The following YARS1 variants were observed in gnomAD, a reference collection of about 807,000 sequenced individuals.
YARS1 encodes the protein tyrosyl-tRNA synthetase 1.
In YARS1, 36 loss-of-function variants were observed where a neutral mutation model predicts 62.2. The observed-to-expected ratio is 0.58, with a 90% CI of 0.44 to 0.76. The LOEUF is 0.76. Ranked by LOEUF, YARS1 falls within the 30% of genes least tolerant of loss-of-function variation. The pLI, the probability that YARS1 is intolerant of heterozygous loss-of-function variation, is 0.00. For synonymous variants in YARS1, 234 were observed against 244.9 expected (o/e 0.96, Z 0.42); for missense variants, 524 against 639.8 (o/e 0.82, Z 1.95).
rs1653005915 is a variant in YARS1, at chr1:32,780,177, T to C, written c.1242A>G (p.Glu414=). Residue 414 remains glutamate (E), a synonymous_variant, in exon 11 of 13, where the codon GAA becomes GAG. Coordinates refer to ENST00000373477, the MANE Select transcript of YARS1 (RefSeq NM_003680.4). ...SGLVQFVPKE[E]LQDRLVVVLC... ...GCACCACTACCAGCCTGTCCTGCAG[T>C]TCCTCCTTGGGCACGAACTGTACCA... 1.9e-6 allele frequency: 3 copies of C among 1,614,076 alleles called. No homozygotes were observed. The highest frequency in any genetic ancestry group is 1.3e-5 in the African/African-American group (1 of 74,914).
intron 5 of YARS1, among the ~76,000 whole-genome samples, chr1:32,796,995 A>AATATATAT (rs869089598): frequency 1.9e-4 from 4 of 20,552 alleles, no homozygotes; most frequent in Non-Finnish European, 2.9e-4. Context: ...AAAAAAAAAA[A>AATATATAT]ATATATATAT....
Position 32,775,511 on chromosome 1 carries a change from G to A in YARS1, c.*470C>T. 1 of 173,968 alleles carries A rather than the reference G, an allele frequency of 5.7e-6. No homozygotes were observed. Among genetic ancestry groups the A allele is most frequent in the South Asian group, 1.4e-4 (1 of 7,352 alleles). The allele number at this position is 173,968 out of a possible 1,614,324, so 10.8% of individuals were successfully genotyped here. A position where few individuals can be genotyped will look rare whatever the true frequency, so the allele number is the denominator to read the frequency against. ...TTGCCAACCACTTGGTAGACCACTA[G>A]GTTCTCTGTTTTCCCTTCCCTTTCC... On this transcript the variant is annotated 3_prime_UTR_variant, in exon 13 of 13. Transcript: ENST00000373477.
At chr1:32,817,053 TCTACAGGCTCTCTCAGAG>T in intron 1 of YARS1, 117 bp downstream of exon 1, 2 of 1,135,834 alleles carry the variant, frequency 1.8e-6, no homozygotes, top group Non-Finnish European at 1.3e-6. Context: ...AGCAGTGAGA[TCTACAGGCTCTCTCAGAG>T]CTGCGCCAGC....
chr1:32,782,416 G>A lies in YARS1; in HGVS notation c.1030C>T (p.Pro344Ser). ...KKLASAAYPD[P>S]SKQKPMAKGP... ...CAGCTGGCCTTACTCTGCTTTGAGG[G>A]ATCTGGGTAGGCAGCGCTGGCCAGT... The change falls in exon 9 of 13, where the codon CCC becomes TCC. Residue 344 changes from proline to serine, a missense_variant. Physicochemically the swap from Pro to Ser is moderately conservative, Grantham distance 74. Coordinates refer to ENST00000373477, the MANE Select transcript of YARS1 (RefSeq NM_003680.4). 1 of 1,613,992 alleles carries A rather than the reference G, an allele frequency of 6.2e-7. No homozygotes were observed. Among genetic ancestry groups the A allele is most frequent in the Non-Finnish European group, 8.5e-7 (1 of 1,179,914 alleles).
chr1:32,788,915 C>T (rs1265959893), intron 6 of YARS1, among the ~76,000 whole-genome samples: 2 of 152,162 alleles, frequency 1.3e-5, no homozygotes, highest in African/African-American at 4.8e-5. Context: ...ACCTTTGCCT[C>T]CCAGGCTCAA....
rs1638571571 is a variant in YARS1, at chr1:32,810,969, T to C, written c.146A>G (p.His49Arg). The change falls in exon 2 of 13, where the codon CAT (histidine) becomes CGT (arginine). Residue 49 changes from histidine to arginine, a missense_variant. Physicochemically the swap from His to Arg is conservative, Grantham distance 29 (BLOSUM62 0). Transcript: ENST00000373477. ...YWGTATTGKP[H>R]VAYFVPMSKI... ...TGACATGGGCACAAAGTAAGCCACA[T>C]GTGGTTTGCCCGTGGTTGCCGTTCC... 6.2e-7 allele frequency: 1 copy of C among 1,614,074 alleles called. No individual in the cohort carries two copies.
At position 32,786,052 on chromosome 1, in the gene YARS1, T is replaced by C. The variant is rs139453740; in HGVS notation, c.906+310A>G. ...TCGTGTGTATAAGATTACAGACATT[T>C]ACTGATAAGAAATGTTTCCTGAGAA... is the stretch of plus-strand genomic sequence containing the variant. On this transcript the variant is annotated intron_variant, in intron 8 of 12. Transcript: ENST00000373477. Among the ~76,000 whole-genome samples, 29 of 152,252 alleles carry C rather than the reference T, an allele frequency of 1.9e-4. 1 individual carries two copies. The East Asian group carries it at 5.4e-3, about 28-fold the overall frequency.
chr1:32,799,341 AAGGAG>A (rs1274557494), intron 4 of YARS1, among the ~76,000 whole-genome samples: 2 of 152,166 alleles, frequency 1.3e-5, no homozygotes, highest in East Asian at 3.8e-4. Flanking sequence ...GAAAGGTTTT[AAGGAG>A]AGGAGAAATA....
At chr1:32,787,135 A>G in intron 6 of YARS1, 60 bp from the exon 7 acceptor site, 2 of 1,604,874 alleles carry the variant, frequency 1.2e-6, no homozygotes, top group African/African-American at 2.7e-5. Context: ...ATGCTCAACT[A>G]ATATAAGTTA....
intron 1 of YARS1, among the ~76,000 whole-genome samples, chr1:32,815,064 G>C (rs1057027199): frequency 7.9e-5 from 12 of 152,266 alleles, no homozygotes; most frequent in Non-Finnish European, 1.2e-4. Context: ...TAAAACCTGA[G>C]TGAGGCCGGG....
At chr1:32,807,653 TC>T (rs1638493458) in intron 3 of YARS1, among the ~76,000 whole-genome samples, 1 of 151,800 alleles carries the variant, frequency 6.6e-6, no homozygotes, top group African/African-American at 2.4e-5. Flanking sequence ...AGACGTGGTT[TC>T]CCCCCATTGC....
chr1:32,778,346 A>C (rs901191779), intron 12 of YARS1, among the ~76,000 whole-genome samples: 2 of 152,124 alleles, frequency 1.3e-5, no homozygotes, highest in African/African-American at 4.8e-5. Flanking sequence ...TGAGTGCTCT[A>C]AACTCAAGAT....
intron 1 of YARS1, among the ~76,000 whole-genome samples, chr1:32,815,875 CAAG>C (rs1324505911): frequency 2.6e-5 from 4 of 152,026 alleles, no homozygotes; most frequent in Non-Finnish European, 4.4e-5. Context: ...TCTGGGAGGC[CAAG>C]GAGGGTGGAT....
chr1:32,809,845 C>A (rs958023716), intron 3 of YARS1, among the ~76,000 whole-genome samples: 1 of 152,170 alleles, frequency 6.6e-6, no homozygotes, highest in African/African-American at 2.4e-5. Context: ...GTGGCTTATG[C>A]CTATAATCCC....
At position 32,816,169 on chromosome 1, in the gene YARS1, AC is replaced by A. The variant is rs1256155113; in HGVS notation, c.57+1018del. On this transcript the variant is annotated intron_variant, in intron 1 of 12. Coordinates refer to ENST00000373477, the MANE Select transcript of YARS1 (RefSeq NM_003680.4). ...TGCACAACCTTGTGAACATACTAAA[AC>A]CCACTGAATTGTGCACTTTAAAAGG... Among the ~76,000 whole-genome samples, 3 of 152,060 alleles carry A rather than the reference AC, an allele frequency of 2.0e-5. No homozygotes were observed. The East Asian group carries it at 5.8e-4, about 29-fold the overall frequency.
At chr1:32,812,709 A>T (rs1638611668) in intron 1 of YARS1, among the ~76,000 whole-genome samples, 1 of 152,126 alleles carries the variant, frequency 6.6e-6, no homozygotes, top group East Asian at 1.9e-4. Flanking sequence ...GCAGCACCTC[A>T]CGCCTGTAAT....
intron 4 of YARS1, among the ~76,000 whole-genome samples, chr1:32,805,270 G>A (rs1393243867): frequency 7.5e-6 from 1 of 133,648 alleles, no homozygotes; most frequent in East Asian, 2.1e-4. Context: ...AGGGGGAGAG[G>A]GAGAGAGGGA....
intron 4 of YARS1, among the ~76,000 whole-genome samples, chr1:32,801,462 T>C (rs1313646240): frequency 6.6e-6 from 1 of 152,252 alleles, no homozygotes; most frequent in African/African-American, 2.4e-5. Flanking sequence ...AACGATCATC[T>C]GAGCCTTCAG....
intron 1 of YARS1, among the ~76,000 whole-genome samples, chr1:32,814,050 G>A (rs1208244877): frequency 6.6e-6 from 1 of 152,040 alleles, no homozygotes; most frequent in African/African-American, 2.4e-5. Flanking sequence ...TTACTACTAT[G>A]AGCCAGTAAC....
Sources: gnomAD v4.1 joint callset for allele counts (sites outside exome capture counted in the v4.1 genomes callset) on GRCh38, gnomAD v4.1.1 for gene constraint, MANE v1.5 for transcripts, NCBI Gene and HGNC (gene_info 2026-07-23, HGNC 2026-07-21) for gene names.